The following CNTN5 variants were observed in gnomAD, a reference collection of about 807,000 sequenced individuals.
The protein encoded by CNTN5 is contactin-5.
CNTN5 carries 77 observed loss-of-function variants against 129.1 expected under a neutral mutation model. The observed-to-expected ratio is 0.60, with a 90% CI of 0.50 to 0.72. CNTN5 has a LOEUF of 0.72. Ranked by LOEUF, CNTN5 falls within the 30% of genes least tolerant of loss-of-function variation. The probability of loss-of-function intolerance (pLI) is 0.00; values close to 1 mark genes in which losing one functional copy is unlikely to be tolerated. For missense variants in CNTN5, 1,478 were observed against 1,328.8 expected (o/e 1.11, Z -1.75); for synonymous variants, 509 against 465.6 (o/e 1.09, Z -1.20).
chr11:99,197,272 A>G (rs994235627), intron 1 of CNTN5, among the ~76,000 whole-genome samples: 1 of 151,972 alleles, frequency 6.6e-6, no homozygotes, highest in African/African-American at 2.4e-5. Context: ...CTCAAAACTT[A>G]AGAGTACATA....
chr11:100,178,037 C>T (rs2138437990), intron 13 of CNTN5, among the ~76,000 whole-genome samples: 1 of 152,132 alleles, frequency 6.6e-6, no homozygotes, highest in Middle Eastern at 3.4e-3. Context: ...GCAGAGAGTA[C>T]CATTATTTAT....
intron 3 of CNTN5, among the ~76,000 whole-genome samples, chr11:99,798,716 C>A (rs147674944): frequency 6.6e-6 from 1 of 151,922 alleles, no homozygotes; most frequent in Admixed American, 6.6e-5. Flanking sequence ...CAGTTTTGTT[C>A]TTTTTGCTTG....
chr11:99,334,589 G>A, intron 2 of CNTN5, among the ~76,000 whole-genome samples: 1 of 151,962 alleles, frequency 6.6e-6, no homozygotes, highest in East Asian at 1.9e-4. Flanking sequence ...AGCAATATTA[G>A]TATATTGTTA....
At chr11:99,818,881 G>A (rs1033307826) in intron 3 of CNTN5, among the ~76,000 whole-genome samples, 4 of 151,974 alleles carry the variant, frequency 2.6e-5, no homozygotes, top group African/African-American at 9.7e-5. Context: ...GTACACATTA[G>A]ATAATAAAAC....
At chr11:99,317,670 A>G (rs1865397574) in intron 1 of CNTN5, among the ~76,000 whole-genome samples, 1 of 152,198 alleles carries the variant, frequency 6.6e-6, no homozygotes. Flanking sequence ...GCCACGATGC[A>G]CTGATAACTT....
intron 1 of CNTN5, among the ~76,000 whole-genome samples, chr11:99,210,848 GGCAGATA>G (rs145960787): frequency 0.14 from 21,091 of 151,812 alleles, 1,499 homozygotes; most frequent in African/African-American, 0.17. Context: ...GCTCTAGAAG[GGCAGATA>G]GCAGTCTTTC....
At chr11:99,116,438 C>CT (rs1205368125) in intron 1 of CNTN5, among the ~76,000 whole-genome samples, 8 of 152,088 alleles carry the variant, frequency 5.3e-5, no homozygotes, top group African/African-American at 1.9e-4. Flanking sequence ...CTTAAATCGT[C>CT]TTTTTTATGT....
intron 8 of CNTN5, among the ~76,000 whole-genome samples, chr11:99,958,929 G>A (rs567178833): frequency 2.0e-5 from 3 of 152,196 alleles, no homozygotes; most frequent in East Asian, 1.9e-4. Context: ...ACACATTGCC[G>A]ATCACAAGGG....
chr11:99,192,473 A>C (rs1410811299), intron 1 of CNTN5, among the ~76,000 whole-genome samples: 2 of 151,926 alleles, frequency 1.3e-5, no homozygotes, highest in Non-Finnish European at 2.9e-5. Context: ...AAAACAATAT[A>C]TAAGTAAGTA....
intron 20 of CNTN5, among the ~76,000 whole-genome samples, chr11:100,303,894 T>C (rs933692113): frequency 6.6e-6 from 1 of 151,702 alleles, no homozygotes; most frequent in Non-Finnish European, 1.5e-5. Context: ...TTAGTGCCTA[T>C]AAAAGTTCAA....
rs368425602 is a variant in CNTN5 at position 99,447,796 on chromosome 11, G to A, written c.-70-108349G>A. Among the ~76,000 whole-genome samples, 11 of 152,056 alleles carry A rather than the reference G, an allele frequency of 7.2e-5. No homozygotes were observed. In the East Asian group the frequency reaches 7.7e-4, roughly 11 times the overall value. ...AAAAACTAGCTGGGTGTCGTGGTGG[G>A]TTCCTGTAGTCCCAGCTACTTGGGA... is the stretch of plus-strand genomic sequence containing the variant. On this transcript the variant is annotated intron_variant, in intron 2 of 24. Coordinates refer to ENST00000524871, the MANE Select transcript of CNTN5 (RefSeq NM_014361.4).
intron 13 of CNTN5, among the ~76,000 whole-genome samples, chr11:100,079,445 C>A (rs192716142): frequency 5.3e-5 from 8 of 152,140 alleles, no homozygotes; most frequent in Admixed American, 5.2e-4. Context: ...TCATCAGAGC[C>A]CCAAACCTGT....
At chr11:100,109,362 G>T (rs1175961591) in intron 13 of CNTN5, among the ~76,000 whole-genome samples, 1 of 152,128 alleles carries the variant, frequency 6.6e-6, no homozygotes. Flanking sequence ...GGAGGCGGAG[G>T]TTGCAGTAAG....
intron 1 of CNTN5, among the ~76,000 whole-genome samples, chr11:99,077,056 A>C (rs888630267): frequency 2.6e-5 from 4 of 152,302 alleles, no homozygotes; most frequent in African/African-American, 9.6e-5. Context: ...TACTAAGTAG[A>C]CAGGATAAGT....
At chr11:99,561,291 A>AG (rs1565297185) in intron 3 of CNTN5, among the ~76,000 whole-genome samples, 13 of 152,018 alleles carry the variant, frequency 8.6e-5, no homozygotes, top group South Asian at 2.1e-4. Flanking sequence ...ATTTCAGCAA[A>AG]TAAGTAAGTA....
intron 7 of CNTN5, among the ~76,000 whole-genome samples, chr11:99,929,806 C>A (rs2120166): frequency 0.92 from 139,119 of 151,976 alleles, 63,724 homozygotes; most frequent in East Asian, 1. Context: ...ACCATATCAC[C>A]TATTGTTACT....
chr11:100,286,167 C>A (rs967640229), intron 18 of CNTN5, among the ~76,000 whole-genome samples: 1 of 152,054 alleles, frequency 6.6e-6, no homozygotes, highest in Non-Finnish European at 1.5e-5. Context: ...AAGGTGGCAG[C>A]CAGGCTGGGG....
intron 2 of CNTN5, among the ~76,000 whole-genome samples, chr11:99,351,264 T>C (rs1021728270): frequency 1.3e-5 from 2 of 152,180 alleles, no homozygotes; most frequent in African/African-American, 4.8e-5. Context: ...CCTAAATATT[T>C]TGCCTACATT....
chr11:99,317,245 T>G (rs958256704), intron 1 of CNTN5, among the ~76,000 whole-genome samples: 1 of 152,174 alleles, frequency 6.6e-6, no homozygotes, highest in Non-Finnish European at 1.5e-5. Flanking sequence ...AAATGAAATA[T>G]TTCAGCAACC....
Sources: allele counts gnomAD v4.1 joint callset (sites outside exome capture counted in the v4.1 genomes callset), GRCh38; gene constraint gnomAD v4.1.1; transcripts MANE v1.5; gene names NCBI Gene and HGNC (gene_info 2026-07-23, HGNC 2026-07-21).